The following UTY variants were observed in gnomAD, a reference collection of about 807,000 sequenced individuals.
The protein encoded by UTY is histone demethylase UTY.
A neutral mutation model predicts 32.5 loss-of-function variants in UTY; 12 were observed. The observed-to-expected ratio is 0.37, with a 90% CI of 0.24 to 0.60. The LOEUF is 0.60. UTY is among the 20% of genes least tolerant of loss of function. The pLI is 0.69. For synonymous variants in UTY, 131 were observed against 103.4 expected, an observed-to-expected ratio of 1.27 and a Z score of -1.62; for missense variants, 303 against 299.2, an observed-to-expected ratio of 1.01 and a Z score of -0.09.
At chrY:13,347,955 A>C (rs2062065501) in intron 17 of UTY, among the ~76,000 whole-genome samples, 1 of 33,287 alleles carries the variant, frequency 3.0e-5, no homozygotes, top group Admixed American at 2.8e-4. Context: ...TTTTAAGTTT[A>C]ATCTTCAAAT....
downstream of UTY, among the ~76,000 whole-genome samples, chrY:13,234,199 G>A (rs2053831608): frequency 2.9e-5 from 1 of 34,479 alleles, no homozygotes; most frequent in Admixed American, 2.6e-4. Context: ...CCAGTGTGGC[G>A]ACTGGCTACT....
At chrY:13,425,780 G>T (rs780396955) in intron 4 of UTY, among the ~76,000 whole-genome samples, 16 of 34,021 alleles carry the variant, frequency 4.7e-4, no homozygotes, top group Non-Finnish European at 8.1e-4. Flanking sequence ...CAATGAGTTT[G>T]TTCCTGTCCA....
At chrY:13,345,968 T>C (rs1017576600) in intron 17 of UTY, among the ~76,000 whole-genome samples, 1 of 33,275 alleles carries the variant, frequency 3.0e-5, no homozygotes, top group African/African-American at 1.2e-4. Flanking sequence ...TTTTGATGCC[T>C]GCCAAGCTTC....
chrY:13,446,761 G>A lies in UTY; in HGVS notation c.375+2256C>T, dbSNP rs546879193. Among the ~76,000 whole-genome samples, 170 of 31,309 alleles carry A rather than the reference G, an allele frequency of 5.4e-3. No individual in the cohort carries two copies. In the South Asian group the frequency reaches 0.12, roughly 22 times the overall value. 84.0% of individuals were successfully genotyped at this position (31,309 alleles called of 37,273 possible). The stretch of plus-strand genomic sequence containing the variant: ...ATCATAATCCCTGGTGGCTTTTGGC[G>A]CAAACACAAAACTGATCCTGTGGAA... On this transcript the variant is annotated intron_variant, in intron 4 of 29. Transcript: ENST00000545955.
At chrY:13,352,468 C>T in intron 17 of UTY, among the ~76,000 whole-genome samples, 1 of 32,868 alleles carries the variant, frequency 3.0e-5, no homozygotes, top group Non-Finnish European at 7.5e-5. Flanking sequence ...GACACCATGC[C>T]CTGCTAATTT....
At position 13,354,996 on chromosome Y, in the gene UTY, T is replaced by C. The variant is rs758213355; in HGVS notation, c.2061+7A>G. ...AGAGCCAAGAAAGCAGCTAGTCCTTTTTTTACCTGAGCGGAGTTAGATAGC... is the reference window on the plus strand; with the variant it reads ...AGAGCCAAGAAAGCAGCTAGTCCTTCTTTTACCTGAGCGGAGTTAGATAGC... On this transcript the variant is annotated splice_region_variant and intron_variant, in intron 17 of 29. Coordinates refer to ENST00000545955, the MANE Select transcript of UTY (RefSeq NM_001258249.2). The C allele has an allele frequency of 2.5e-6, 1 of 398,512 alleles. No homozygotes were observed. Among genetic ancestry groups the C allele is most frequent in the Non-Finnish European group, 3.5e-6 (1 of 283,528 alleles).
At chrY:13,438,768 C>T in intron 4 of UTY, among the ~76,000 whole-genome samples, 3 of 32,758 alleles carry the variant, frequency 9.2e-5, no homozygotes, top group South Asian at 6.8e-4. Flanking sequence ...TCATTTCAGA[C>T]GGAGTTTACA....
intron 8 of UTY, chrY:13,393,629 T>C: frequency 1.4e-5 from 1 of 69,627 alleles, no homozygotes; most frequent in Admixed American, 2.0e-4. Context: ...TATATATATA[T>C]TAAGTACAAA....
At chrY:13,467,697 T>C in intron 3 of UTY, among the ~76,000 whole-genome samples, 1 of 29,881 alleles carries the variant, frequency 3.3e-5, no homozygotes, top group Non-Finnish European at 8.0e-5. Flanking sequence ...CTTGAACAGG[T>C]AGGCAGAGGT....
intron 18 of UTY, among the ~76,000 whole-genome samples, chrY:13,334,241 C>T (rs759766965): frequency 3.0e-5 from 1 of 33,170 alleles, no homozygotes; most frequent in African/African-American, 1.2e-4. Context: ...TGTCTCTTCT[C>T]ATTTCTTTGT....
intron 3 of UTY, among the ~76,000 whole-genome samples, chrY:13,466,524 T>C (rs2077926196): frequency 5.9e-5 from 2 of 33,766 alleles, no homozygotes; most frequent in Non-Finnish European, 1.5e-4. Flanking sequence ...GCACCCATTT[T>C]ATGTTCTTAT....
intron 4 of UTY, among the ~76,000 whole-genome samples, chrY:13,430,302 G>GT (rs2073857159): frequency 3.0e-5 from 1 of 33,207 alleles, no homozygotes; most frequent in Middle Eastern, 0.014. Flanking sequence ...GTTATTTTTT[G>GT]TATGTTTGTC....
At chrY:13,435,084 T>C in intron 4 of UTY, among the ~76,000 whole-genome samples, 1 of 33,187 alleles carries the variant, frequency 3.0e-5, no homozygotes, top group South Asian at 6.5e-4. Context: ...TCTCAGACCA[T>C]ACTGGAATAC....
chrY:13,271,700 A>G, intron 27 of UTY, among the ~76,000 whole-genome samples: 1 of 34,055 alleles, frequency 2.9e-5, no homozygotes, highest in Non-Finnish European at 7.3e-5. Context: ...AAGGATGTCC[A>G]CATCTTAATT....
intron 6 of UTY, among the ~76,000 whole-genome samples, chrY:13,406,005 GGGACTGCT>G (rs2069904627): frequency 9.0e-5 from 3 of 33,253 alleles, no homozygotes; most frequent in African/African-American, 3.5e-4. Flanking sequence ...CTTGCAGATA[GGGACTGCT>G]GGTCTGTGTG....
intron 21 of UTY, among the ~76,000 whole-genome samples, chrY:13,314,331 C>T (rs111330318): frequency 4.5e-4 from 15 of 33,092 alleles, no homozygotes; most frequent in Admixed American, 2.5e-3. Flanking sequence ...GGAGAATGGC[C>T]TGAACCCAGG....
chrY:13,360,442 C>T lies in UTY; in HGVS notation c.953G>A (p.Trp318Ter). 1 of 397,079 alleles carries T rather than the reference C, an allele frequency of 2.5e-6. No homozygotes were observed. Among genetic ancestry groups the T allele is most frequent in the Non-Finnish European group, 3.5e-6 (1 of 282,637 alleles). ...IDKSEASADT[W>*]CSIGVLYQQQ... Reference sequence around the variant, plus strand: ...TATATAGCCTTACCCTATTGAACACCATGTATCTGCACTTGCTTCTGATTT... The same window carrying T: ...TATATAGCCTTACCCTATTGAACACTATGTATCTGCACTTGCTTCTGATTT... The change falls in exon 11 of 30, where the codon TGG (tryptophan) becomes TAG (stop). Residue 318 changes from tryptophan (W) to a stop codon, truncating the protein, a stop_gained. Coordinates refer to ENST00000545955, the MANE Select transcript of UTY (RefSeq NM_001258249.2). LOFTEE classifies it high-confidence loss of function.
chrY:13,399,355 A>C, intron 6 of UTY, among the ~76,000 whole-genome samples: 1 of 33,663 alleles, frequency 3.0e-5, no homozygotes, highest in African/African-American at 1.2e-4. Context: ...GAGAGCCAGA[A>C]AGTAGAATAA....
chrY:13,279,741 G>C, intron 27 of UTY, among the ~76,000 whole-genome samples: 2 of 33,292 alleles, frequency 6.0e-5, no homozygotes, highest in Non-Finnish European at 1.5e-4. Flanking sequence ...TAAGGCACCA[G>C]GGGTCAGTCC....
Sources: gnomAD v4.1 joint callset for allele counts (sites outside exome capture counted in the v4.1 genomes callset) on GRCh38, gnomAD v4.1.1 for gene constraint, MANE v1.5 for transcripts, NCBI Gene and HGNC (gene_info 2026-07-23, HGNC 2026-07-21) for gene names.